The following NTN1 variants were observed in gnomAD, a reference collection of about 807,000 sequenced individuals.
NTN1 encodes netrin-1.
NTN1 carries 11 observed loss-of-function variants against 54.2 expected under a neutral mutation model. The observed-to-expected ratio is 0.20, with a 90% confidence interval of 0.13 to 0.34. NTN1 has a LOEUF of 0.34. Among genes scored for constraint, NTN1 ranks in the 10% least tolerant of loss-of-function variants. The probability of loss-of-function intolerance (pLI) is 1.00; values close to 1 mark genes in which losing one functional copy is unlikely to be tolerated. For missense variants in NTN1, 740 were observed against 893.1 expected (o/e 0.83, Z 2.18); for synonymous variants, 371 against 382.0 (o/e 0.97, Z 0.33).
intron 2 of NTN1, among the ~76,000 whole-genome samples, chr17:9,045,067 G>C (rs2091937427): frequency 6.6e-6 from 1 of 152,330 alleles, no homozygotes; most frequent in Admixed American, 6.5e-5. Flanking sequence ...TCACACTCTA[G>C]GATGGTGGTT....
intron 2 of NTN1, among the ~76,000 whole-genome samples, chr17:9,048,811 C>T (rs556760908): frequency 2.8e-4 from 43 of 152,120 alleles, no homozygotes; most frequent in African/African-American, 5.8e-4. Context: ...TGCCCACCAC[C>T]GCACCCAGCT....
intron 2 of NTN1, among the ~76,000 whole-genome samples, chr17:9,090,500 A>G (rs1263714842): frequency 1.3e-5 from 2 of 151,936 alleles, no homozygotes; most frequent in Admixed American, 1.3e-4. Flanking sequence ...TTACTTACCA[A>G]AGCAGGTAAG....
In NTN1 at chr17:9,157,591, C is replaced by T. The variant is rs181540469; in HGVS notation, c.1019-5222C>T. On this transcript the variant is annotated intron_variant, in intron 2 of 6. Transcript: ENST00000173229. Reference sequence around the variant, plus strand: ...GTGGGGCCTCTCGCCCTCCTATCTTCCTTACCCTCGTTATGCCCTGGGTCT... The same window carrying T: ...GTGGGGCCTCTCGCCCTCCTATCTTTCTTACCCTCGTTATGCCCTGGGTCT... Among the ~76,000 whole-genome samples the T allele has an allele frequency of 2.0e-3, 303 of 152,330 alleles. 10 individuals are homozygous for T. Among genetic ancestry groups the T allele is most frequent in the Admixed American group, 0.018 (279 of 15,306 alleles).
In NTN1 at chr17:9,239,990, G is replaced by A. The variant is rs888032220; in HGVS notation, c.*22G>A. 15 of 769,170 alleles carry A rather than the reference G, an allele frequency of 2.0e-5. 1 individual carries two copies. Among genetic ancestry groups the A allele is most frequent in the Non-Finnish European group, 2.6e-5 (15 of 568,224 alleles). 47.6% of individuals were successfully genotyped at this position (769,170 alleles called of 1,614,324 possible). Reference sequence around the variant, plus strand: ...CTAGCGCCGAGGCAGCGGGCGGGCGGGCGGGCGGGCGCCAGGGCGGGGCCG... The same window carrying A: ...CTAGCGCCGAGGCAGCGGGCGGGCGAGCGGGCGGGCGCCAGGGCGGGGCCG... On this transcript the variant is annotated 3_prime_UTR_variant, in exon 7 of 7. Transcript: ENST00000173229. This position sits in a 1 kb window ranked among gnomAD's most constrained non-coding sequence, Gnocchi z 5.2.
intron 2 of NTN1, among the ~76,000 whole-genome samples, chr17:9,154,283 C>T (rs1158972926): frequency 6.6e-6 from 1 of 152,260 alleles, no homozygotes. Context: ...ACTGTGACGT[C>T]CCCAGCACCT....
intron 4 of NTN1, among the ~76,000 whole-genome samples, chr17:9,180,848 C>G (rs925155741): frequency 1.3e-5 from 2 of 152,212 alleles, no homozygotes; most frequent in African/African-American, 4.8e-5. Context: ...CAGGGCAGAG[C>G]AGGTTGAAAT....
intron 2 of NTN1, among the ~76,000 whole-genome samples, chr17:9,117,013 G>T (rs1264996898): frequency 6.6e-6 from 1 of 152,182 alleles, no homozygotes; most frequent in Non-Finnish European, 1.5e-5. Flanking sequence ...CCTGAATGAG[G>T]GGGGTGGGAG....
chr17:9,129,110 A>T (rs1326151117), intron 2 of NTN1, among the ~76,000 whole-genome samples: 2 of 152,152 alleles, frequency 1.3e-5, no homozygotes, highest in African/African-American at 4.8e-5. Flanking sequence ...CAGCAAAAAG[A>T]GAGGGCGAGA....
chr17:9,091,553 G>A (rs528437566), intron 2 of NTN1, among the ~76,000 whole-genome samples: 13 of 150,470 alleles, frequency 8.6e-5, no homozygotes, highest in African/African-American at 3.2e-4. Context: ...TCACGGGTTC[G>A]AGTGATTCTC....
At chr17:9,034,532 C>T (rs1045788871) in intron 2 of NTN1, among the ~76,000 whole-genome samples, 1 of 151,674 alleles carries the variant, frequency 6.6e-6, no homozygotes, top group Non-Finnish European at 1.5e-5. Flanking sequence ...AAGATATTCT[C>T]CTACCTCAGC....
chr17:9,220,560 C>A (rs184138639), intron 5 of NTN1, among the ~76,000 whole-genome samples: 193 of 152,214 alleles, frequency 1.3e-3, no homozygotes, highest in African/African-American at 4.4e-3. Context: ...CCCAGTGATA[C>A]CCAGTGGACG....
chr17:9,076,259 C>G (rs2092049173), intron 2 of NTN1, among the ~76,000 whole-genome samples: 1 of 152,214 alleles, frequency 6.6e-6, no homozygotes, highest in Non-Finnish European at 1.5e-5. Context: ...GTCCTCCATC[C>G]TCCATCCACA....
chr17:9,090,945 C>T (rs1196823907), intron 2 of NTN1, among the ~76,000 whole-genome samples: 2 of 152,126 alleles, frequency 1.3e-5, no homozygotes, highest in Middle Eastern at 3.4e-3. Flanking sequence ...AGCCTGGGCC[C>T]AGCAGGGAAA....
At chr17:9,155,593 G>A (rs965912912) in intron 2 of NTN1, among the ~76,000 whole-genome samples, 12 of 151,590 alleles carry the variant, frequency 7.9e-5, no homozygotes, top group South Asian at 4.2e-4. Flanking sequence ...CGCCCGTCTC[G>A]GCCTCCCAAA....
At chr17:9,136,044 C>T (rs560889383) in intron 2 of NTN1, among the ~76,000 whole-genome samples, 2 of 152,306 alleles carry the variant, frequency 1.3e-5, no homozygotes, top group East Asian at 3.9e-4. Flanking sequence ...CCCCCTGGTG[C>T]GATGACTCAG....
chr17:9,155,592 C>T (rs576308781), intron 2 of NTN1, among the ~76,000 whole-genome samples: 2 of 151,968 alleles, frequency 1.3e-5, no homozygotes, highest in African/African-American at 4.8e-5. Flanking sequence ...CCGCCCGTCT[C>T]GGCCTCCCAA....
chr17:9,171,903 T>G (rs79296163), intron 3 of NTN1: 1 of 155,226 alleles, frequency 6.4e-6, no homozygotes, highest in Non-Finnish European at 1.4e-5. Context: ...TTTTTTTTTT[T>G]TTGAGACGGA....
At chr17:9,085,168 G>A (rs9892727) in intron 2 of NTN1, among the ~76,000 whole-genome samples, 10,584 of 152,196 alleles carry the variant, frequency 0.07, 1,075 homozygotes, top group African/African-American at 0.22. Flanking sequence ...TCACTTCGTG[G>A]CTGGGTGGTG....
At chr17:9,171,132 A>C (rs72811963) in intron 3 of NTN1, 1 of 152,142 alleles carries the variant, frequency 6.6e-6, no homozygotes, top group East Asian at 1.9e-4. Context: ...GGCAAAGGAA[A>C]GCATAGCTTC....
Sources: allele counts gnomAD v4.1 joint callset (sites outside exome capture counted in the v4.1 genomes callset), GRCh38; gene constraint gnomAD v4.1.1; non-coding constraint Gnocchi (gnomAD v3.1); transcripts MANE v1.5; gene names NCBI Gene and HGNC (gene_info 2026-07-23, HGNC 2026-07-21).